Variants in ADGRA2 observed in about 807,000 individuals in gnomAD.
ADGRA2 encodes the protein adhesion G protein-coupled receptor A2.
A neutral mutation model predicts 98.7 loss-of-function variants in ADGRA2; 61 were observed. That is an observed-to-expected ratio of 0.62 (90% confidence interval 0.50 to 0.76). The LOEUF (loss-of-function observed/expected upper bound fraction) is 0.76. ADGRA2 is among the 30% of genes least tolerant of loss of function. The pLI is 0.00. For synonymous variants in ADGRA2, 858 were observed against 831.5 expected, an observed-to-expected ratio of 1.03 and a Z score of -0.55; for missense variants, 1,712 against 1,860.0, an observed-to-expected ratio of 0.92 and a Z score of 1.46.
intron 1 of ADGRA2, among the ~76,000 whole-genome samples, chr8:37,803,978 C>G (rs1300341212): frequency 4.6e-5 from 7 of 152,062 alleles, no homozygotes; most frequent in Non-Finnish European, 8.8e-5. Context: ...AATTGTGTAT[C>G]AAGGCAGAAA....
chr8:37,800,031 C>T (rs1215915796), intron 1 of ADGRA2, among the ~76,000 whole-genome samples: 1 of 152,202 alleles, frequency 6.6e-6, no homozygotes, highest in Non-Finnish European at 1.5e-5. Flanking sequence ...AGCACCCCCA[C>T]ACCCACCCCA....
chr8:37,831,659 G>A, intron 8 of ADGRA2, 72 bp downstream of exon 8: 1 of 1,390,512 alleles, frequency 7.2e-7, no homozygotes, highest in Non-Finnish European at 1.0e-6. Context: ...ATCACAGGTG[G>A]CCAGAGTTTC....
Position 37,797,332 on chromosome 8 carries a change from T to G in ADGRA2, c.64T>G (p.Trp22Gly). Residue 22 changes from tryptophan (W) to glycine (G), a missense_variant, in exon 1 of 19, where the codon TGG becomes GGG. Trp to Gly is a radical substitution (Grantham distance 184). Transcript: ENST00000412232. The surrounding 1 kb of genome is among the most constrained non-coding windows in gnomAD (Gnocchi z 5.3). ...PARLLLPLLP[W>G]LLLLLAPEAR... ...GCGCCTGCTGCTGCCGCTGCTGCCGTGGCTCCTGCTGCTCCTGGCGCCCGA... is the reference window on the plus strand; with the variant it reads ...GCGCCTGCTGCTGCCGCTGCTGCCGGGGCTCCTGCTGCTCCTGGCGCCCGA... 7.3e-7 allele frequency: 1 copy of G among 1,366,452 alleles called. No individual in the cohort carries two copies. Among genetic ancestry groups the G allele is most frequent in the Non-Finnish European group, 9.4e-7 (1 of 1,065,536 alleles). The allele number at this position is 1,366,452 out of a possible 1,614,324, so 84.6% of individuals were successfully genotyped here.
chr8:37,823,818 G>A lies in ADGRA2; in HGVS notation c.339-5070G>A, dbSNP rs555653582. ...ACTGCTGGTGATGTTGAGCATCTTT[G>A]TATGGGCTTATTGGCCATTTGTGTG... On this transcript the variant is annotated intron_variant, in intron 2 of 18. Transcript: ENST00000412232. Among the ~76,000 whole-genome samples the A allele has an allele frequency of 2.6e-5, 4 of 152,250 alleles. No homozygotes were observed. The South Asian group carries it at 8.3e-4, about 32-fold the overall frequency.
In ADGRA2 at chr8:37,802,737, C is replaced by T. The variant is rs180702553; in HGVS notation, c.266+5203C>T. 6.6e-6 allele frequency among the ~76,000 whole-genome samples: 1 copy of T among 152,286 alleles called. No homozygotes were observed. The highest frequency in any genetic ancestry group is 6.5e-5 in the Admixed American group (1 of 15,302). ...CATCCTCTGGGGCCTGGAAGCCCCT[C>T]CCCTGAGAGCTCCCTCTGCTGCAGG... On this transcript the variant is annotated intron_variant, in intron 1 of 18. Coordinates refer to ENST00000412232, the MANE Select transcript of ADGRA2 (RefSeq NM_032777.10). The surrounding 1 kb of genome is among the most constrained non-coding windows in gnomAD (Gnocchi z 4.7).
At chr8:37,806,520 C>CTTTT (rs1184569639) in intron 1 of ADGRA2, among the ~76,000 whole-genome samples, 1 of 85,498 alleles carries the variant, frequency 1.2e-5, no homozygotes, top group African/African-American at 7.4e-5. Context: ...TTTCTTTTTT[C>CTTTT]TTTTTCTTTT....
In ADGRA2 at chr8:37,814,988, G is replaced by C. The variant is rs1563341373; in HGVS notation, c.338+21G>C. 1 of 1,560,152 alleles carries C rather than the reference G, an allele frequency of 6.4e-7. No individual in the cohort carries two copies. Among genetic ancestry groups the C allele is most frequent in the Non-Finnish European group, 8.8e-7 (1 of 1,130,812 alleles). On this transcript the variant is annotated intron_variant, in intron 2 of 18. Coordinates refer to ENST00000412232, the MANE Select transcript of ADGRA2 (RefSeq NM_032777.10). This position sits in a 1 kb window ranked among gnomAD's most constrained non-coding sequence, Gnocchi z 4.3. ...AAGCTGTAAGTGCTGGGGAAGGTGAGGTGGAGGAGGGGGGTGGCCGTGATG... is the reference window on the plus strand; with the variant it reads ...AAGCTGTAAGTGCTGGGGAAGGTGACGTGGAGGAGGGGGGTGGCCGTGATG...
At chr8:37,819,758 C>T (rs1181621867) in intron 2 of ADGRA2, among the ~76,000 whole-genome samples, 4 of 152,176 alleles carry the variant, frequency 2.6e-5, no homozygotes, top group Non-Finnish European at 5.9e-5. Context: ...GCAACCTCCA[C>T]CTCCCAGGTT....
rs3050620 is a variant in ADGRA2, at chr8:37,816,927, AACACACACACACACACACACACAC to A, written c.338+1986_338+2009del. Among the ~76,000 whole-genome samples, 14 of 131,964 alleles carry A rather than the reference AACACACACACACACACACACACAC, an allele frequency of 1.1e-4. No homozygotes were observed. The East Asian group carries it at 1.9e-3, about 18-fold the overall frequency. 86.6% of individuals were successfully genotyped at this position (131,964 alleles called of 152,430 possible). The stretch of plus-strand genomic sequence containing the variant: ...CAAGACTGTCTCAAAAAGAAAGCAA[AACACACACACACACACACACACAC>A]ACACACACACACACACACACACACA... On this transcript the variant is annotated intron_variant, in intron 2 of 18. Transcript: ENST00000412232.
chr8:37,837,950 G>A lies in ADGRA2; in HGVS notation c.2259+11G>A. On this transcript the variant is annotated intron_variant, in intron 14 of 18. Coordinates refer to ENST00000412232, the MANE Select transcript of ADGRA2 (RefSeq NM_032777.10). ...GTGGCCGTGCTCATGGTGGGTGTGA[G>A]GAGGGGTGACAAGTCGGGGGGGCAG... 1 of 1,455,348 alleles carries A rather than the reference G, an allele frequency of 6.9e-7. No individual in the cohort carries two copies. The highest frequency in any genetic ancestry group is 9.1e-7 in the Non-Finnish European group (1 of 1,102,396). 90.2% of individuals were successfully genotyped at this position (1,455,348 alleles called of 1,614,324 possible). A position where few individuals can be genotyped will look rare whatever the true frequency, so the allele number is the denominator to read the frequency against.
chr8:37,811,465 C>T (rs1018475613), intron 1 of ADGRA2, among the ~76,000 whole-genome samples: 1 of 146,398 alleles, frequency 6.8e-6, no homozygotes, highest in African/African-American at 2.6e-5. Context: ...AACCACTGCA[C>T]CCAGCCAACT....
At chr8:37,808,603 C>T (rs1804743890) in intron 1 of ADGRA2, among the ~76,000 whole-genome samples, 1 of 151,226 alleles carries the variant, frequency 6.6e-6, no homozygotes, top group Non-Finnish European at 1.5e-5. Context: ...GGCCTGCGTG[C>T]ATGTTCATCC....
intron 1 of ADGRA2, among the ~76,000 whole-genome samples, chr8:37,803,448 G>A (rs1563336784): frequency 6.6e-6 from 1 of 152,180 alleles, no homozygotes; most frequent in Non-Finnish European, 1.5e-5. Context: ...GGGACCAGAA[G>A]GAAGATCCGC....
chr8:37,824,264 C>T (rs898615836), intron 2 of ADGRA2, among the ~76,000 whole-genome samples: 3 of 151,384 alleles, frequency 2.0e-5, no homozygotes, highest in Non-Finnish European at 4.4e-5. Flanking sequence ...CTCCTGACCT[C>T]GTGATCTGCC....
chr8:37,810,681 T>A (rs113765808), intron 1 of ADGRA2, among the ~76,000 whole-genome samples: 5,209 of 152,168 alleles, frequency 0.034, 277 homozygotes, highest in African/African-American at 0.11. Flanking sequence ...AAATGTTTTA[T>A]AGAGACAGGG....
At chr8:37,820,020 G>A (rs1805089215) in intron 2 of ADGRA2, among the ~76,000 whole-genome samples, 1 of 152,152 alleles carries the variant, frequency 6.6e-6, no homozygotes, top group African/African-American at 2.4e-5. Context: ...GGGGCTGGCA[G>A]ACCCCAAATC....
Position 37,822,384 on chromosome 8 carries a change from T to TACACACAC in ADGRA2, c.339-6486_339-6479dup, listed in dbSNP as rs147834043. 2.8e-3 allele frequency among the ~76,000 whole-genome samples: 412 copies of TACACACAC among 147,202 alleles called. 4 individuals carry two copies. The highest frequency in any genetic ancestry group is 9.9e-3 in the African/African-American group (393 of 39,786). On this transcript the variant is annotated intron_variant, in intron 2 of 18. Coordinates refer to ENST00000412232, the MANE Select transcript of ADGRA2 (RefSeq NM_032777.10). ...CGGCCCCACCCTGCCTGTATGTGGG[T>TACACACAC]ACACACACACACACACACACACACA...
chr8:37,813,380 G>C lies in ADGRA2; in HGVS notation c.267-1516G>C, dbSNP rs1223848134. On this transcript the variant is annotated intron_variant, in intron 1 of 18. Coordinates refer to ENST00000412232, the MANE Select transcript of ADGRA2 (RefSeq NM_032777.10). The stretch of plus-strand genomic sequence containing the variant: ...ATCACCAACACCCCATGTATGAAGT[G>C]AAATAAAACTATCCTAACTCATAAA... 2.6e-5 allele frequency among the ~76,000 whole-genome samples: 4 copies of C among 152,214 alleles called. No individual in the cohort carries two copies. In the South Asian group the frequency reaches 8.3e-4, roughly 32 times the overall value.
At chr8:37,821,121 G>T (rs2129971302) in intron 2 of ADGRA2, among the ~76,000 whole-genome samples, 1 of 152,300 alleles carries the variant, frequency 6.6e-6, no homozygotes, top group South Asian at 2.1e-4. Flanking sequence ...CCAAAGGAAA[G>T]ACTTTTGGGG....
Sources: gnomAD v4.1 joint callset for allele counts (sites outside exome capture counted in the v4.1 genomes callset) on GRCh38, gnomAD v4.1.1 for gene constraint, Gnocchi (gnomAD v3.1) non-coding constraint, MANE v1.5 for transcripts, NCBI Gene and HGNC (gene_info 2026-07-23, HGNC 2026-07-21) for gene names.